The following RNF13 variants were observed in gnomAD, a reference collection of about 807,000 sequenced individuals.
The protein encoded by RNF13 is E3 ubiquitin-protein ligase RNF13.
In RNF13, 19 loss-of-function variants were observed where a neutral mutation model predicts 37.7. The ratio of observed to expected loss-of-function variants is 0.50; its 90% CI spans 0.35 to 0.74. The LOEUF (loss-of-function observed/expected upper bound fraction) is 0.74, where lower values mean the gene tolerates loss of function less well. Ranked by LOEUF, RNF13 falls within the 30% of genes least tolerant of loss-of-function variation. The pLI is 0.01. For synonymous variants in RNF13, 144 were observed against 157.8 expected, an observed-to-expected ratio of 0.91 and a Z score of 0.65; for missense variants, 375 against 453.0, an observed-to-expected ratio of 0.83 and a Z score of 1.56.
intron 3 of RNF13, among the ~76,000 whole-genome samples, chr3:149,870,079 G>T (rs1711837563): frequency 6.6e-6 from 1 of 151,728 alleles, no homozygotes; most frequent in South Asian, 2.1e-4. Context: ...CCTTTCCAGG[G>T]CTAGGGATTG....
At chr3:149,934,312 C>T (rs1719469574) in intron 8 of RNF13, among the ~76,000 whole-genome samples, 1 of 151,742 alleles carries the variant, frequency 6.6e-6, no homozygotes, top group Admixed American at 6.6e-5. Flanking sequence ...CAATTTTTTT[C>T]TTTCAGTTAT....
chr3:149,852,466 T>A (rs1178953174), intron 2 of RNF13, 50 bp from the exon 3 acceptor site: 1 of 740,304 alleles, frequency 1.4e-6, no homozygotes. Context: ...TTGTTTTTAA[T>A]GTTATATATA....
chr3:149,876,872 G>C (rs1209577237), intron 4 of RNF13, among the ~76,000 whole-genome samples: 1 of 145,106 alleles, frequency 6.9e-6, no homozygotes, highest in Non-Finnish European at 1.5e-5. Context: ...TCTGCCTCCC[G>C]GGTTCAAGCA....
chr3:149,876,313 A>G (rs1712688335), intron 4 of RNF13, among the ~76,000 whole-genome samples: 1 of 152,228 alleles, frequency 6.6e-6, no homozygotes, highest in Non-Finnish European at 1.5e-5. Context: ...ATGCAGCTGC[A>G]AAGCCATCTA....
chr3:149,889,952 G>A (rs1288296337), intron 4 of RNF13, among the ~76,000 whole-genome samples: 4 of 152,192 alleles, frequency 2.6e-5, no homozygotes, highest in African/African-American at 9.7e-5. Flanking sequence ...TGGGATTACA[G>A]GCATGAGCTA....
In RNF13 at chr3:149,960,723, A is replaced by G. The variant is rs200467310; in HGVS notation, c.782-17A>G. 223 of 1,583,560 alleles carry G rather than the reference A, an allele frequency of 1.4e-4. No homozygotes were observed. The highest frequency in any genetic ancestry group is 4.3e-4 in the Admixed American group (23 of 53,504). ...ACCGCAGCATACTAACTAAAGATGT[A>G]TATTTTGCTTCAACAGCTTATCACT... On this transcript the variant is annotated splice_polypyrimidine_tract_variant and intron_variant, in intron 9 of 9. Coordinates refer to ENST00000392894, the MANE Select transcript of RNF13 (RefSeq NM_183381.3).
rs1205187578 is a variant in RNF13, at chr3:149,961,080, T to G, written c.1122T>G (p.Asp374Glu). 5 of 1,611,486 alleles carry G rather than the reference T, an allele frequency of 3.1e-6. No individual in the cohort carries two copies. In the South Asian group the frequency reaches 5.5e-5, roughly 18 times the overall value. Residue 374 changes from aspartate to glutamate, a missense_variant, in exon 10 of 10, where the codon GAT (aspartate) becomes GAG (glutamate). Transcript: ENST00000392894. ...VVQLQPNGER[D>E]YNIANTV is the part of the protein sequence containing the mutation. The stretch of plus-strand genomic sequence containing the variant: ...AGTTGCAGCCTAATGGTGAACGGGA[T>G]TACAACATAGCAAATACTGTTTGAC...
chr3:149,894,082 C>T (rs1437715503), intron 4 of RNF13, among the ~76,000 whole-genome samples: 2 of 152,250 alleles, frequency 1.3e-5, no homozygotes, highest in East Asian at 1.9e-4. Context: ...CTGTGTCAGG[C>T]TATTTCATAG....
intron 5 of RNF13, among the ~76,000 whole-genome samples, chr3:149,898,671 A>C (rs529746064): frequency 6.6e-6 from 1 of 152,330 alleles, no homozygotes; most frequent in South Asian, 2.1e-4. Context: ...GGTTCTTAGC[A>C]ATCATTTAAT....
chr3:149,826,479 CT>C (rs1208832488), intron 1 of RNF13, among the ~76,000 whole-genome samples: 1 of 152,146 alleles, frequency 6.6e-6, no homozygotes, highest in East Asian at 1.9e-4. Flanking sequence ...TATGAATAAA[CT>C]TGTGAATTAA....
rs79088647 is a variant in RNF13 at position 149,900,100 on chromosome 3, A to C, written c.410-1972A>C. Among the ~76,000 whole-genome samples the C allele has an allele frequency of 3.0e-3, 453 of 152,280 alleles. 1 individual carries two copies. The highest frequency in any genetic ancestry group is 6.3e-3 in the Admixed American group (97 of 15,284). ...TAATGTTGCCATTTTCAAGATGGCT[A>C]CTCATATTTGCTTACAATATTTTCT... On this transcript the variant is annotated intron_variant, in intron 5 of 9. Coordinates refer to ENST00000392894, the MANE Select transcript of RNF13 (RefSeq NM_183381.3).
intron 4 of RNF13, among the ~76,000 whole-genome samples, chr3:149,883,594 A>C (rs1026245902): frequency 4.6e-5 from 7 of 152,086 alleles, no homozygotes; most frequent in African/African-American, 1.7e-4. Flanking sequence ...TCTGCTATTC[A>C]TAATTCCGTA....
At chr3:149,921,927 G>C (rs1446372051) in intron 8 of RNF13, among the ~76,000 whole-genome samples, 1 of 152,062 alleles carries the variant, frequency 6.6e-6, no homozygotes, top group African/African-American at 2.4e-5. Flanking sequence ...CAGTGTAAAA[G>C]TGTTCCTATT....
intron 1 of RNF13, among the ~76,000 whole-genome samples, chr3:149,839,824 T>G (rs1438753465): frequency 6.6e-6 from 1 of 152,192 alleles, no homozygotes. Context: ...TCCGAAAATG[T>G]ATTTTTATTG....
At chr3:149,939,259 T>C (rs56240523) in intron 8 of RNF13, 1 of 481,092 alleles carries the variant, frequency 2.1e-6, no homozygotes, top group South Asian at 1.6e-5. Context: ...ACTGGTGCTT[T>C]TTATCCAGTT....
chr3:149,850,044 A>G (rs917063916), intron 2 of RNF13, among the ~76,000 whole-genome samples: 4 of 151,750 alleles, frequency 2.6e-5, no homozygotes, highest in South Asian at 2.1e-4. Flanking sequence ...CAGTGGCGCA[A>G]TCTTGGCTCC....
At chr3:149,854,027 G>A (rs1261385776) in intron 3 of RNF13, among the ~76,000 whole-genome samples, 1 of 151,534 alleles carries the variant, frequency 6.6e-6, no homozygotes, top group Non-Finnish European at 1.5e-5. Flanking sequence ...GTAGAGATGG[G>A]GTTTCGCCAT....
chr3:149,923,036 A>G (rs934827356), intron 8 of RNF13, among the ~76,000 whole-genome samples: 1 of 152,196 alleles, frequency 6.6e-6, no homozygotes, highest in South Asian at 2.1e-4. Flanking sequence ...TAGTTCTGCC[A>G]CATTTTTATT....
At chr3:149,892,429 T>A (rs1714807188) in intron 4 of RNF13, among the ~76,000 whole-genome samples, 1 of 152,154 alleles carries the variant, frequency 6.6e-6, no homozygotes, top group Non-Finnish European at 1.5e-5. Context: ...TATTACTTTG[T>A]CTCCTCTCCA....
Sources: gnomAD v4.1 joint callset for allele counts (sites outside exome capture counted in the v4.1 genomes callset) on GRCh38, gnomAD v4.1.1 for gene constraint, MANE v1.5 for transcripts, NCBI Gene and HGNC (gene_info 2026-07-23, HGNC 2026-07-21) for gene names.